The following SORCS2 variants were observed in gnomAD, a reference collection of about 807,000 sequenced individuals.
The protein encoded by SORCS2 is VPS10 domain-containing receptor SorCS2.
A neutral mutation model predicts 141.6 loss-of-function variants in SORCS2; 100 were observed. The ratio of observed to expected loss-of-function variants is 0.71; its 90% CI spans 0.60 to 0.83. The LOEUF (loss-of-function observed/expected upper bound fraction) is 0.83. SORCS2 is among the 40% of genes least tolerant of loss of function. The pLI is 0.00. For missense variants in SORCS2, 1,646 were observed against 1,560.2 expected, an observed-to-expected ratio of 1.05 and a Z score of -0.93; for synonymous variants, 789 against 676.9, an observed-to-expected ratio of 1.17 and a Z score of -2.57.
Position 7,734,299 on chromosome 4 carries a change from G to T in SORCS2, c.3236G>T (p.Gly1079Val). 2 of 1,603,016 alleles carry T rather than the reference G, an allele frequency of 1.2e-6. No individual in the cohort carries two copies. Among genetic ancestry groups the T allele is most frequent in the Non-Finnish European group, 1.7e-6 (2 of 1,175,850 alleles). The part of the protein sequence containing the change: ...TGAEQLGGGG[G>V]YWAVVVLFVI... ...GCTGAGCAGCTGGGCGGCGGTGGCG[G>T]CTACTGGGCGGTAGTGGTGCTGTTT... The change falls in exon 25 of 27, where the codon GGC (glycine) becomes GTC (valine). Residue 1079 changes from glycine to valine, a missense_variant. Coordinates refer to ENST00000507866, the MANE Select transcript of SORCS2 (RefSeq NM_020777.3).
intron 3 of SORCS2, among the ~76,000 whole-genome samples, chr4:7,551,843 C>T (rs1489966380): frequency 6.6e-6 from 1 of 152,202 alleles, no homozygotes; most frequent in Non-Finnish European, 1.5e-5. Context: ...TGAAAGGAGA[C>T]TTTGACTAGG....
At chr4:7,413,572 G>T (rs1335066323) in intron 2 of SORCS2, among the ~76,000 whole-genome samples, 1 of 151,934 alleles carries the variant, frequency 6.6e-6, no homozygotes. Context: ...GTTTTTAGTG[G>T]AGATGGGGTT....
At chr4:7,283,933 T>TGCCCCTTG (rs1716044512) in intron 1 of SORCS2, among the ~76,000 whole-genome samples, 1 of 152,136 alleles carries the variant, frequency 6.6e-6, no homozygotes, top group African/African-American at 2.4e-5. Context: ...GTTTTGATCT[T>TGCCCCTTG]GCCCCTTGGC....
At chr4:7,515,952 A>G (rs1732951247) in intron 2 of SORCS2, among the ~76,000 whole-genome samples, 1 of 152,140 alleles carries the variant, frequency 6.6e-6, no homozygotes. Context: ...GGAGGGGTCC[A>G]ATGGAGGCCC....
At chr4:7,551,991 A>G (rs1026150024) in intron 3 of SORCS2, among the ~76,000 whole-genome samples, 4 of 152,178 alleles carry the variant, frequency 2.6e-5, no homozygotes, top group African/African-American at 9.7e-5. Flanking sequence ...AATGGTTGCA[A>G]CCACATCACT....
intron 1 of SORCS2, among the ~76,000 whole-genome samples, chr4:7,393,225 G>T (rs1488884945): frequency 6.6e-6 from 1 of 152,126 alleles, no homozygotes; most frequent in Non-Finnish European, 1.5e-5. Context: ...CCTGTGGGCT[G>T]CGGGCTCAGG....
At chr4:7,239,214 G>A (rs1472865779) in intron 1 of SORCS2, among the ~76,000 whole-genome samples, 1 of 152,212 alleles carries the variant, frequency 6.6e-6, no homozygotes, top group Admixed American at 6.5e-5. Flanking sequence ...CAGTTGAAGG[G>A]GGACCTCCTC....
At chr4:7,726,974 G>GGGTC (rs1577127581) in intron 21 of SORCS2, 71 bp downstream of exon 21, 1 of 1,535,896 alleles carries the variant, frequency 6.5e-7, no homozygotes, top group East Asian at 2.4e-5. Flanking sequence ...CAGGCCACAT[G>GGGTC]GGTCGCGTAA....
At position 7,697,788 on chromosome 4, in the gene SORCS2, T is replaced by C. The variant is rs118101908; in HGVS notation, c.1668+514T>C. On this transcript the variant is annotated intron_variant, in intron 12 of 26. Coordinates refer to ENST00000507866, the MANE Select transcript of SORCS2 (RefSeq NM_020777.3). ...GGGGAGGAGCAGGTTGTGGGGGTCATTGTGAGTCTGGGTTGGGGTGTCTGG... is the reference window on the plus strand; with the variant it reads ...GGGGAGGAGCAGGTTGTGGGGGTCACTGTGAGTCTGGGTTGGGGTGTCTGG... Among the ~76,000 whole-genome samples the C allele has an allele frequency of 2.5e-3, 378 of 151,346 alleles. 10 individuals carry two copies. The East Asian group carries it at 0.066, about 27-fold the overall frequency.
At chr4:7,278,244 A>G (rs544379555) in intron 1 of SORCS2, among the ~76,000 whole-genome samples, 5 of 152,260 alleles carry the variant, frequency 3.3e-5, no homozygotes, top group African/African-American at 9.6e-5. Flanking sequence ...AGCCTCTAAC[A>G]TGGGCATCCC....
intron 2 of SORCS2, among the ~76,000 whole-genome samples, chr4:7,402,519 T>G (rs2109129772): frequency 6.6e-6 from 1 of 152,362 alleles, no homozygotes; most frequent in South Asian, 2.1e-4. Flanking sequence ...GTAGCACGTG[T>G]AATCTATTTG....
At position 7,231,371 on chromosome 4, in the gene SORCS2, C is replaced by T. The variant is rs186054845; in HGVS notation, c.480+38245C>T. 1.1e-4 allele frequency among the ~76,000 whole-genome samples: 17 copies of T among 152,336 alleles called. 1 individual carries two copies. Among genetic ancestry groups the T allele is most frequent in the Admixed American group, 1.1e-3 (17 of 15,304 alleles). On this transcript the variant is annotated intron_variant, in intron 1 of 26. Transcript: ENST00000507866. ...TGTATACATTAATCTCATTCAAATACACCCCTGCAGAAATACCCAGAATAA... is the reference window on the plus strand; with the variant it reads ...TGTATACATTAATCTCATTCAAATATACCCCTGCAGAAATACCCAGAATAA...
At chr4:7,734,896 G>A (rs1712041875) in intron 25 of SORCS2, among the ~76,000 whole-genome samples, 1 of 152,322 alleles carries the variant, frequency 6.6e-6, no homozygotes, top group African/African-American at 2.4e-5. Flanking sequence ...GGGTGTCCCC[G>A]TGAGGGAGCT....
At chr4:7,651,212 C>T (rs1286736525) in intron 4 of SORCS2, among the ~76,000 whole-genome samples, 1 of 152,156 alleles carries the variant, frequency 6.6e-6, no homozygotes, top group African/African-American at 2.4e-5. Context: ...TGGGGAAAGG[C>T]AAACGCGTGT....
In SORCS2 at chr4:7,286,582, C is replaced by A. The variant is rs1031872913; in HGVS notation, c.480+93456C>A. On this transcript the variant is annotated intron_variant, in intron 1 of 26. Coordinates refer to ENST00000507866, the MANE Select transcript of SORCS2 (RefSeq NM_020777.3). The surrounding 1 kb of genome is among the most constrained non-coding windows in gnomAD (Gnocchi z 4.1). ...GGACCAGAAGGGACATGGTCCCATT[C>A]GGTCCCAGGCCAGCCCCCCGTATCT... Among the ~76,000 whole-genome samples the A allele has an allele frequency of 1.3e-5, 2 of 152,180 alleles. No individual in the cohort carries two copies. Among genetic ancestry groups the A allele is most frequent in the Non-Finnish European group, 2.9e-5 (2 of 68,040 alleles).
At chr4:7,697,092 C>G in intron 11 of SORCS2, 106 bp from the exon 12 acceptor site, 1 of 915,336 alleles carries the variant, frequency 1.1e-6, no homozygotes, top group Non-Finnish European at 1.7e-6. Flanking sequence ...TATGGAGACC[C>G]GGGGCACTGG....
In SORCS2 at chr4:7,638,197, G is replaced by A. The variant is rs538650500; in HGVS notation, c.649-131G>A. On this transcript the variant is annotated intron_variant, in intron 3 of 26. Transcript: ENST00000507866. ...GGAGGTGAAGGGGAGAGGCACACCC[G>A]GCCCAGGCCTCACAACCCCCTTTCT... is the stretch of plus-strand genomic sequence containing the variant. The A allele has an allele frequency of 3.5e-4, 410 of 1,167,484 alleles. 1 individual carries two copies. Among genetic ancestry groups the A allele is most frequent in the African/African-American group, 2.8e-3 (174 of 62,436 alleles). 72.3% of individuals were successfully genotyped at this position (1,167,484 alleles called of 1,614,324 possible).
intron 14 of SORCS2, among the ~76,000 whole-genome samples, chr4:7,708,725 G>T (rs567220335): frequency 1.3e-5 from 2 of 152,330 alleles, no homozygotes; most frequent in Non-Finnish European, 1.5e-5. Flanking sequence ...TTTCATACGT[G>T]ACTTCAGGCC....
intron 12 of SORCS2, among the ~76,000 whole-genome samples, chr4:7,702,257 G>A (rs77984882): frequency 0.013 from 2,007 of 152,270 alleles, 45 homozygotes; most frequent in African/African-American, 0.046. Flanking sequence ...AGGGCAAAGG[G>A]GGCCACTTTC....
Sources: gnomAD v4.1 joint callset for allele counts (sites outside exome capture counted in the v4.1 genomes callset) on GRCh38, gnomAD v4.1.1 for gene constraint, Gnocchi (gnomAD v3.1) non-coding constraint, MANE v1.5 for transcripts, NCBI Gene and HGNC (gene_info 2026-07-23, HGNC 2026-07-21) for gene names.